Variants in KLF12 observed in about 807,000 individuals in gnomAD.
KLF12 encodes KLF transcription factor 12.
In KLF12, 9 loss-of-function variants were observed where a neutral mutation model predicts 37.8. The observed-to-expected ratio is 0.24, with a 90% CI of 0.14 to 0.42. The LOEUF (loss-of-function observed/expected upper bound fraction) is 0.42. KLF12 is among the 10% of genes least tolerant of loss of function. The pLI, the probability that KLF12 is intolerant of heterozygous loss-of-function variation, is 1.00. For missense variants in KLF12, 411 were observed against 516.0 expected, an observed-to-expected ratio of 0.80 and a Z score of 1.97; for synonymous variants, 208 against 202.1, an observed-to-expected ratio of 1.03 and a Z score of -0.25.
intron 6 of KLF12, among the ~76,000 whole-genome samples, chr13:73,718,633 C>G (rs566464166): frequency 6.6e-6 from 1 of 152,310 alleles, no homozygotes; most frequent in African/African-American, 2.4e-5. Flanking sequence ...TGGCTCACAC[C>G]AGTAATCCCA....
chr13:73,886,779 G>A lies in KLF12; in HGVS notation c.124-40406C>T, dbSNP rs142126554. Among the ~76,000 whole-genome samples, 1,333 of 152,180 alleles carry A rather than the reference G, an allele frequency of 8.8e-3. 18 individuals are homozygous for A. The highest frequency in any genetic ancestry group is 0.03 in the African/African-American group (1,253 of 41,526). ...GGCCGAGGCGAGCGGATCACCTGAG[G>A]TCCGGAGTTCAAGACCAGCCTGACC... On this transcript the variant is annotated intron_variant, in intron 3 of 7. Coordinates refer to ENST00000377669, the MANE Select transcript of KLF12 (RefSeq NM_007249.5).
chr13:73,706,093 AGT>A (rs1187845141), intron 7 of KLF12, among the ~76,000 whole-genome samples: 1 of 152,198 alleles, frequency 6.6e-6, no homozygotes, highest in Non-Finnish European at 1.5e-5. Flanking sequence ...CAGAGGTTGC[AGT>A]GAGCCGAGAT....
At chr13:73,720,922 C>T (rs1876192479) in intron 6 of KLF12, among the ~76,000 whole-genome samples, 1 of 152,092 alleles carries the variant, frequency 6.6e-6, no homozygotes, top group Non-Finnish European at 1.5e-5. Flanking sequence ...TCTTTCAAGC[C>T]TGGAAAGAAG....
At chr13:74,278,786 A>G in the KLF12 span, among the ~76,000 whole-genome samples, 5 of 152,226 alleles carry the variant, frequency 3.3e-5, no homozygotes, top group African/African-American at 1.2e-4. Context: ...CTCATTTTGA[A>G]ATGTAGCATC....
intron 5 of KLF12, among the ~76,000 whole-genome samples, chr13:73,789,832 A>G (rs1243117574): frequency 6.6e-6 from 1 of 151,860 alleles, no homozygotes; most frequent in African/African-American, 2.4e-5. Context: ...GTCCGCCACT[A>G]CGCCCGGTTT....
At chr13:74,294,765 T>C in the KLF12 span, among the ~76,000 whole-genome samples, 1 of 152,114 alleles carries the variant, frequency 6.6e-6, no homozygotes, top group Admixed American at 6.5e-5. Flanking sequence ...CTAAGAAATA[T>C]TTCTCTCTTC....
chr13:74,088,713 C>T (rs9592966), intron 1 of KLF12, among the ~76,000 whole-genome samples: 34,955 of 152,088 alleles, frequency 0.23, 4,753 homozygotes, highest in Middle Eastern at 0.34. Flanking sequence ...GATCTGCAGC[C>T]TTAAGGTCAT....
intron 4 of KLF12, among the ~76,000 whole-genome samples, chr13:73,839,887 G>T (rs890798548): frequency 6.6e-6 from 1 of 152,172 alleles, no homozygotes; most frequent in Non-Finnish European, 1.5e-5. Flanking sequence ...ATATAAACTT[G>T]CTATACTATC....
At chr13:74,065,195 G>A (rs1181572772) in intron 1 of KLF12, among the ~76,000 whole-genome samples, 1 of 118,072 alleles carries the variant, frequency 8.5e-6, no homozygotes, top group East Asian at 2.5e-4. Context: ...CTCTGTATCT[G>A]ATTCTTACAC....
At chr13:74,220,552 T>G in the KLF12 span, among the ~76,000 whole-genome samples, 1 of 152,194 alleles carries the variant, frequency 6.6e-6, no homozygotes, top group Non-Finnish European at 1.5e-5. Context: ...AAATCTACTC[T>G]TTTTAGTTAT....
intron 6 of KLF12, among the ~76,000 whole-genome samples, chr13:73,715,770 A>T (rs1593996649): frequency 6.6e-6 from 1 of 152,192 alleles, no homozygotes; most frequent in East Asian, 1.9e-4. Flanking sequence ...CAATAACAAA[A>T]ACTGAAAGTA....
At chr13:74,201,213 T>G in the KLF12 span, among the ~76,000 whole-genome samples, 2 of 152,178 alleles carry the variant, frequency 1.3e-5, no homozygotes. Context: ...CATTTCTATC[T>G]TCTGCATCAT....
the KLF12 span, among the ~76,000 whole-genome samples, chr13:74,139,844 G>A: frequency 2.0e-5 from 3 of 151,850 alleles, no homozygotes; most frequent in African/African-American, 7.3e-5. Flanking sequence ...TGAGGCATAT[G>A]AGATCTGAAC....
intron 3 of KLF12, among the ~76,000 whole-genome samples, chr13:73,902,076 A>T (rs1021307868): frequency 6.6e-6 from 1 of 152,242 alleles, no homozygotes; most frequent in African/African-American, 2.4e-5. Context: ...TGCTGATTTT[A>T]AAGGCCATTT....
chr13:73,813,226 G>A lies in KLF12; in HGVS notation c.732C>T (p.Asp244=), dbSNP rs773011273. 6.2e-7 allele frequency: 1 copy of A among 1,614,018 alleles called. No homozygotes were observed. The highest frequency in any genetic ancestry group is 1.1e-5 in the South Asian group (1 of 91,082). Residue 244 remains aspartate (D), a synonymous_variant, in exon 5 of 8, where the codon GAC becomes GAT. Transcript: ENST00000377669. Reference sequence around the variant, plus strand: ...CGCTATCTAAGGTCACATTTGGCAGGTCATCATCATCACTGTCACTTTTAC... The same window carrying A: ...CGCTATCTAAGGTCACATTTGGCAGATCATCATCATCACTGTCACTTTTAC...
chr13:73,936,692 G>T (rs77007718), intron 3 of KLF12, among the ~76,000 whole-genome samples: 1 of 152,074 alleles, frequency 6.6e-6, no homozygotes, highest in Admixed American at 6.5e-5. Flanking sequence ...CTGCTTTGCC[G>T]CCCGGAAGTT....
At chr13:74,281,878 C>A in the KLF12 span, among the ~76,000 whole-genome samples, 24 of 152,268 alleles carry the variant, frequency 1.6e-4, no homozygotes, top group Admixed American at 7.2e-4. Context: ...TGTTTCTACT[C>A]AACATTGCTA....
chr13:73,687,112 C>T lies in KLF12; in HGVS notation c.*8378G>A, dbSNP rs1873538479. On this transcript the variant is annotated 3_prime_UTR_variant, in exon 8 of 8. Coordinates refer to ENST00000377669, the MANE Select transcript of KLF12 (RefSeq NM_007249.5). Reference sequence around the variant, plus strand: ...TCTCATCGTTTCACAACACAAAGTTCTGAGTACATTCTTCTATGGACAAAC... The same window carrying T: ...TCTCATCGTTTCACAACACAAAGTTTTGAGTACATTCTTCTATGGACAAAC... 6.6e-6 allele frequency: 1 copy of T among 152,624 alleles called. No homozygotes were observed. Among genetic ancestry groups the T allele is most frequent in the African/African-American group, 2.4e-5 (1 of 41,446 alleles). 9.5% of individuals were successfully genotyped at this position (152,624 alleles called of 1,614,324 possible). A position where few individuals can be genotyped will look rare whatever the true frequency, so the allele number is the denominator to read the frequency against.
At chr13:73,946,584 T>G (rs1391132849) in intron 2 of KLF12, among the ~76,000 whole-genome samples, 1 of 152,188 alleles carries the variant, frequency 6.6e-6, no homozygotes, top group Non-Finnish European at 1.5e-5. Flanking sequence ...CACGTACAAG[T>G]GAAAAAAATA....
Sources: allele counts gnomAD v4.1 joint callset (sites outside exome capture counted in the v4.1 genomes callset), GRCh38; gene constraint gnomAD v4.1.1; transcripts MANE v1.5; gene names NCBI Gene and HGNC (gene_info 2026-07-23, HGNC 2026-07-21).